The following PTPRN2 variants were observed in gnomAD, a reference collection of about 807,000 sequenced individuals.
PTPRN2 encodes the protein receptor-type tyrosine-protein phosphatase N2.
PTPRN2 carries 74 observed loss-of-function variants against 118.8 expected under a neutral mutation model. That is an observed-to-expected ratio of 0.62 (90% confidence interval 0.52 to 0.76). The LOEUF is 0.76. Among genes scored for constraint, PTPRN2 ranks in the 30% least tolerant of loss-of-function variants. PTPRN2 has a pLI of 0.00. For synonymous variants in PTPRN2, 641 were observed against 608.0 expected (o/e 1.05, Z -0.80); for missense variants, 1,481 against 1,394.4 (o/e 1.06, Z -0.99).
chr7:158,445,988 C>G (rs1029786731), intron 2 of PTPRN2, among the ~76,000 whole-genome samples: 4 of 152,152 alleles, frequency 2.6e-5, no homozygotes, highest in Non-Finnish European at 5.9e-5. Context: ...GCAGGTAAAC[C>G]CGGGCGCCCA....
chr7:157,645,902 T>C (rs1197756822), intron 14 of PTPRN2, among the ~76,000 whole-genome samples: 1 of 152,224 alleles, frequency 6.6e-6, no homozygotes, highest in African/African-American at 2.4e-5. Context: ...CACCCCTTGG[T>C]ACAATATGAC....
At chr7:158,202,648 C>T (rs892321613) in intron 4 of PTPRN2, among the ~76,000 whole-genome samples, 1 of 152,138 alleles carries the variant, frequency 6.6e-6, no homozygotes, top group African/African-American at 2.4e-5. Context: ...GCCAATGCCT[C>T]CCTAAATGGG....
intron 11 of PTPRN2, among the ~76,000 whole-genome samples, chr7:157,931,387 C>G (rs1799350210): frequency 6.6e-6 from 1 of 152,214 alleles, no homozygotes; most frequent in African/African-American, 2.4e-5. Flanking sequence ...AGGCGTTTGG[C>G]CCGGGAAAGG....
intron 15 of PTPRN2, among the ~76,000 whole-genome samples, chr7:157,613,064 AGAGCCCTGCGGCT>A (rs1259084904): frequency 1.3e-5 from 2 of 152,014 alleles, no homozygotes; most frequent in African/African-American, 4.8e-5. Context: ...GGAGGCAGGG[AGAGCCCTGCGGCT>A]GAACAGGGCA....
At chr7:158,247,733 C>T (rs1212066292) in intron 3 of PTPRN2, among the ~76,000 whole-genome samples, 1 of 152,190 alleles carries the variant, frequency 6.6e-6, no homozygotes, top group African/African-American at 2.4e-5. Context: ...TCTCCTGCCT[C>T]AGCCTCCTGA....
At chr7:157,988,041 C>T (rs1328160364) in intron 11 of PTPRN2, among the ~76,000 whole-genome samples, 2 of 151,986 alleles carry the variant, frequency 1.3e-5, no homozygotes, top group African/African-American at 4.8e-5. Flanking sequence ...GGAGTCCTCA[C>T]CACTCCCCCT....
chr7:158,512,647 G>A (rs1221679176), intron 1 of PTPRN2, among the ~76,000 whole-genome samples: 3 of 152,034 alleles, frequency 2.0e-5, no homozygotes, highest in Non-Finnish European at 2.9e-5. Context: ...CACACACCAC[G>A]CCCAGCACTT....
intron 2 of PTPRN2, among the ~76,000 whole-genome samples, chr7:158,418,747 C>A (rs1204777751): frequency 1.3e-5 from 2 of 151,964 alleles, no homozygotes; most frequent in Non-Finnish European, 2.9e-5. Flanking sequence ...TGTACTACAT[C>A]AAGATGCTGT....
In PTPRN2 at chr7:157,596,214, CGTT is replaced by C. The variant is rs1030643423; in HGVS notation, c.2419-902_2419-900del. ...TGCTGCTTCCCTGCTGGAGTTAACTCGTTGTGTGTGGGGGCTTGTTTTTGTGTA... is the reference window on the plus strand; with the variant it reads ...TGCTGCTTCCCTGCTGGAGTTAACTCGTGTGTGGGGGCTTGTTTTTGTGTA... On this transcript the variant is annotated intron_variant, in intron 16 of 22. Coordinates refer to ENST00000389418, the MANE Select transcript of PTPRN2 (RefSeq NM_002847.5). The surrounding 1 kb of genome is among the most constrained non-coding windows in gnomAD (Gnocchi z 4.2). Among the ~76,000 whole-genome samples the C allele has an allele frequency of 9.2e-5, 14 of 152,286 alleles. No homozygotes were observed. The highest frequency in any genetic ancestry group is 3.4e-4 in the African/African-American group (14 of 41,574).
chr7:158,364,017 C>A (rs78301521), intron 2 of PTPRN2, among the ~76,000 whole-genome samples: 3,709 of 152,294 alleles, frequency 0.024, 63 homozygotes, highest in African/African-American at 0.045. Flanking sequence ...CTGTTTCATT[C>A]TTCTCTTTGA....
chr7:158,423,968 T>C (rs1312173047), intron 2 of PTPRN2, among the ~76,000 whole-genome samples: 2 of 152,206 alleles, frequency 1.3e-5, no homozygotes, highest in South Asian at 2.1e-4. Flanking sequence ...CCCTCTAAGG[T>C]GGTAATTACC....
At position 158,478,418 on chromosome 7, in the gene PTPRN2, A is replaced by G. The variant is rs530478062; in HGVS notation, c.163+11317T>C. ...GGGTGAGCAATGGACGCCACTGGGG[A>G]AGAGTGGGAAAGGAAGGCTCAGCAC... On this transcript the variant is annotated intron_variant, in intron 2 of 22. Transcript: ENST00000389418. Among the ~76,000 whole-genome samples the G allele has an allele frequency of 1.7e-3, 253 of 152,262 alleles. 1 individual carries two copies. Among genetic ancestry groups the G allele is most frequent in the African/African-American group, 6.0e-3 (249 of 41,558 alleles).
intron 18 of PTPRN2, 55 bp downstream of exon 18, chr7:157,577,966 G>A: frequency 2.6e-6 from 4 of 1,510,602 alleles, no homozygotes; most frequent in South Asian, 1.3e-5. Context: ...GGAGGAGCAG[G>A]GCCCGTCCTC....
At chr7:157,747,775 G>C (rs1801084539) in intron 12 of PTPRN2, among the ~76,000 whole-genome samples, 1 of 128,228 alleles carries the variant, frequency 7.8e-6, no homozygotes, top group African/African-American at 3.0e-5. Context: ...GTGATTCTGA[G>C]GCCTGCGTCC....
At chr7:157,841,150 G>C (rs1013981883) in intron 12 of PTPRN2, among the ~76,000 whole-genome samples, 2 of 152,230 alleles carry the variant, frequency 1.3e-5, no homozygotes, top group African/African-American at 4.8e-5. Context: ...AAGTCCTTCT[G>C]CAGTAACAGT....
At chr7:157,789,054 C>T (rs1804261790) in intron 12 of PTPRN2, among the ~76,000 whole-genome samples, 1 of 152,352 alleles carries the variant, frequency 6.6e-6, no homozygotes, top group East Asian at 1.9e-4. Context: ...AGGATTTGAG[C>T]TAAATTGCTA....
chr7:158,290,669 G>T (rs1346638757), intron 3 of PTPRN2, among the ~76,000 whole-genome samples: 4 of 152,120 alleles, frequency 2.6e-5, no homozygotes, highest in Admixed American at 2.6e-4. Context: ...CCCACATAGA[G>T]GGCATCTCTC....
intron 3 of PTPRN2, among the ~76,000 whole-genome samples, chr7:158,290,301 A>C (rs1315004225): frequency 1.3e-5 from 2 of 152,114 alleles, no homozygotes; most frequent in African/African-American, 4.8e-5. Context: ...CCTGGAGCCC[A>C]GGTCAGTGAG....
intron 12 of PTPRN2, among the ~76,000 whole-genome samples, chr7:157,888,146 C>T (rs2151300667): frequency 1.3e-5 from 2 of 152,028 alleles, no homozygotes; most frequent in Middle Eastern, 3.4e-3. Flanking sequence ...TGTTACACCC[C>T]AGTCACTGCA....
Sources: gnomAD v4.1 joint callset for allele counts (sites outside exome capture counted in the v4.1 genomes callset) on GRCh38, gnomAD v4.1.1 for gene constraint, Gnocchi (gnomAD v3.1) non-coding constraint, MANE v1.5 for transcripts, NCBI Gene and HGNC (gene_info 2026-07-23, HGNC 2026-07-21) for gene names.